Variants in HERC2 observed in about 807,000 individuals in gnomAD.
HERC2 encodes the protein HECT and RLD domain containing E3 ubiquitin protein ligase 2, also known as E3 ubiquitin-protein ligase HERC2.
Under a neutral mutation model 537.7 loss-of-function variants are expected in HERC2, and 102 were observed. That is an observed-to-expected ratio of 0.19 (90% CI 0.16 to 0.22). The LOEUF is 0.22. HERC2 is among the 10% of genes least tolerant of loss of function. The pLI is 1.00. For synonymous variants in HERC2, 2,224 were observed against 2,466.2 expected (o/e 0.90, Z 2.91); for missense variants, 4,236 against 6,198.2 (o/e 0.68, Z 10.63).
intron 26 of HERC2, among the ~76,000 whole-genome samples, chr15:28,236,536 C>T (rs1027128744): frequency 6.6e-6 from 1 of 151,860 alleles, no homozygotes; most frequent in Non-Finnish European, 1.5e-5. Flanking sequence ...GGTGATCCAC[C>T]CGCCTCAGCC....
intron 15 of HERC2, among the ~76,000 whole-genome samples, chr15:28,261,867 A>G (rs2075423212): frequency 6.6e-6 from 1 of 152,204 alleles, no homozygotes; most frequent in Admixed American, 6.5e-5. Context: ...GTCTCACTTA[A>G]AAGTCCCACT....
intron 21 of HERC2, 131 bp from the exon 22 acceptor site, chr15:28,247,028 T>C: frequency 1.3e-6 from 1 of 767,618 alleles, no homozygotes; most frequent in Non-Finnish European, 2.1e-6. Flanking sequence ...CAGAAGCCTG[T>C]TAACCCTTGT....
chr15:28,303,761 T>G (rs1394024053), intron 2 of HERC2, among the ~76,000 whole-genome samples: 2 of 152,232 alleles, frequency 1.3e-5, no homozygotes, highest in Non-Finnish European at 2.9e-5. Context: ...GTAGAGATCT[T>G]TTCACTTCTT....
intron 83 of HERC2, among the ~76,000 whole-genome samples, chr15:28,126,264 A>T (rs1889471661): frequency 6.6e-6 from 1 of 152,236 alleles, no homozygotes; most frequent in Non-Finnish European, 1.5e-5. Flanking sequence ...ACAACAAGCT[A>T]TCTGTGAAAA....
chr15:28,173,145 T>C (rs1421438497), intron 65 of HERC2, among the ~76,000 whole-genome samples: 1 of 152,176 alleles, frequency 6.6e-6, no homozygotes, highest in Non-Finnish European at 1.5e-5. Context: ...AACATCCACT[T>C]TGCAAAACAG....
chr15:28,112,014 G>A lies in HERC2; in HGVS notation c.14254C>T (p.Pro4752Ser). The change falls in exon 93 of 93, where the codon CCA becomes TCA. Residue 4752 changes from proline to serine, a missense_variant. Physicochemically the swap from Pro to Ser is moderately conservative, Grantham distance 74 (BLOSUM62 -1). Around this residue, in one of 27 missense-constraint regions of HERC2, gnomAD observed 313 missense variants for 462.6 expected, o/e 0.68. Transcript: ENST00000261609. Reference sequence around the variant, plus strand: ...TAGGACTCAGGGAGGAAGTGGTCTGGAGGGTTGTATTTATCCAACACCTGT... The same window carrying A: ...TAGGACTCAGGGAGGAAGTGGTCTGAAGGGTTGTATTTATCCAACACCTGT... Reference protein sequence around the residue: ...VIQVLDKYNPPDHFLPESYTC... With the variant: ...VIQVLDKYNPSDHFLPESYTC... 1 of 1,614,008 alleles carries A rather than the reference G, an allele frequency of 6.2e-7. No individual in the cohort carries two copies.
intron 69 of HERC2, among the ~76,000 whole-genome samples, chr15:28,158,516 T>C (rs1300568171): frequency 2.6e-5 from 4 of 152,218 alleles, no homozygotes; most frequent in African/African-American, 9.6e-5. Context: ...CTTTTGATCT[T>C]TGGTGGTTTA....
intron 90 of HERC2, among the ~76,000 whole-genome samples, chr15:28,114,153 G>C (rs994780912): frequency 6.6e-6 from 1 of 152,186 alleles, no homozygotes; most frequent in African/African-American, 2.4e-5. Flanking sequence ...AGGGGACATG[G>C]GACAAGCAGT....
chr15:28,152,492 T>C lies in HERC2; in HGVS notation c.10900+185A>G, dbSNP rs373231248. On this transcript the variant is annotated intron_variant, in intron 70 of 92. Transcript: ENST00000261609. ...AAGCTAAACATTTACTTTGTGTGAC[T>C]TTCTATATCATGATTTATTGTGCAA... 2.0e-5 allele frequency among the ~76,000 whole-genome samples: 3 copies of C among 152,254 alleles called. No individual in the cohort carries two copies. In the East Asian group the frequency reaches 5.8e-4, roughly 29 times the overall value.
chr15:28,280,882 C>A (rs896081763), intron 4 of HERC2, among the ~76,000 whole-genome samples: 2 of 152,002 alleles, frequency 1.3e-5, no homozygotes, highest in Non-Finnish European at 2.9e-5. Context: ...TGCACTCCAG[C>A]CTGGGTGACA....
intron 81 of HERC2, 64 bp downstream of exon 81, chr15:28,132,036 G>A: frequency 1.6e-6 from 2 of 1,262,672 alleles, no homozygotes. Context: ...TTTCCCAGAG[G>A]GGCCCTGGGG....
Position 28,163,139 on chromosome 15 carries a change from A to G in HERC2, c.10701T>C (p.Asp3567=). The G allele has an allele frequency of 6.2e-7, 1 of 1,612,656 alleles. No individual in the cohort carries two copies. The highest frequency in any genetic ancestry group is 8.5e-7 in the Non-Finnish European group (1 of 1,180,004). The change falls in exon 69 of 93, where the codon GAT becomes GAC. Residue 3567 remains aspartate, a synonymous_variant. Coordinates refer to ENST00000261609, the MANE Select transcript of HERC2 (RefSeq NM_004667.6). ...TGCCGGAAAGCACCGCGGAGAGCAC[A>G]TCCCTGCCCCTGTCCCCGGCCCGGC... ...VCSRAGDRGR[D]VLSAVLSGMG... is the part of the protein sequence containing the mutation.
chr15:28,230,409 T>C lies in HERC2; in HGVS notation c.4767A>G (p.Pro1589=). ...LEEACILPHS[P]INVDKRPIAI... ...CAATGGGTCTCTTGTCCACATTTAT[T>C]GGACTATGAGGCAAAATGCAAGCTT... is the stretch of plus-strand genomic sequence containing the variant. Residue 1589 remains proline, a synonymous_variant, in exon 31 of 93, where the codon CCA becomes CCG. Transcript: ENST00000261609. 2 of 1,533,288 alleles carry C rather than the reference T, an allele frequency of 1.3e-6. No individual in the cohort carries two copies. Among genetic ancestry groups the C allele is most frequent in the South Asian group, 1.1e-5 (1 of 89,568 alleles). The allele number at this position is 1,533,288 out of a possible 1,614,324, so 95.0% of individuals were successfully genotyped here. A position where few individuals can be genotyped will look rare whatever the true frequency, so the allele number is the denominator to read the frequency against.
At position 28,288,774 on chromosome 15, in the gene HERC2, C is replaced by T. The variant is rs550122091; in HGVS notation, c.322+4114G>A. On this transcript the variant is annotated intron_variant, in intron 4 of 92. Coordinates refer to ENST00000261609, the MANE Select transcript of HERC2 (RefSeq NM_004667.6). ...GAGGCAGGAGACTCGCTTGAACCCA[C>T]GTGGGGGAGGTTGCAGTGAGCTGAG... Among the ~76,000 whole-genome samples, 323 of 147,366 alleles carry T rather than the reference C, an allele frequency of 2.2e-3. 2 individuals carry two copies. Among genetic ancestry groups the T allele is most frequent in the Non-Finnish European group, 3.7e-3 (248 of 67,408 alleles).
At chr15:28,271,882 G>A (rs2075738971) in intron 9 of HERC2, among the ~76,000 whole-genome samples, 1 of 152,198 alleles carries the variant, frequency 6.6e-6, no homozygotes, top group Non-Finnish European at 1.5e-5. Flanking sequence ...ACCAAACAGA[G>A]TGACAGCTCA....
chr15:28,256,240 C>T lies in HERC2; in HGVS notation c.2595G>A (p.Leu865=). The T allele has an allele frequency of 1.3e-6, 2 of 1,599,104 alleles. No individual in the cohort carries two copies. The highest frequency in any genetic ancestry group is 1.1e-5 in the South Asian group (1 of 90,914). ...LGLGSILLNS[L]KQTVVTLASS... ...TGGCCAGGGTCACCACCGTCTGCTT[C>T]AGGCTGTTCAGGAGGATGCTGCCCA... Residue 865 remains leucine, a synonymous_variant, in exon 18 of 93, where the codon CTG becomes CTA. Coordinates refer to ENST00000261609, the MANE Select transcript of HERC2 (RefSeq NM_004667.6).
At chr15:28,162,300 T>G (rs1038150603) in intron 69 of HERC2, among the ~76,000 whole-genome samples, 9 of 152,166 alleles carry the variant, frequency 5.9e-5, no homozygotes, top group African/African-American at 1.9e-4. Context: ...GCCACCGCAC[T>G]CCAGCCCGGG....
intron 4 of HERC2, among the ~76,000 whole-genome samples, chr15:28,281,130 T>C (rs139464094): frequency 3.9e-5 from 6 of 152,326 alleles, no homozygotes; most frequent in African/African-American, 9.6e-5. Flanking sequence ...CAAGTTAGAA[T>C]ACACATTCTA....
At chr15:28,174,204 TTTC>T (rs1895004354) in intron 65 of HERC2, among the ~76,000 whole-genome samples, 188 bp downstream of exon 65, 2 of 151,652 alleles carry the variant, frequency 1.3e-5, no homozygotes, top group South Asian at 4.2e-4. Flanking sequence ...AGCAACATAC[TTTC>T]TTCTAAAATT....
Sources: gnomAD v4.1 joint callset for allele counts (sites outside exome capture counted in the v4.1 genomes callset) on GRCh38, gnomAD v4.1.1 for gene constraint, gnomAD v4.1.1 regional missense constraint, MANE v1.5 for transcripts, NCBI Gene and HGNC (gene_info 2026-07-23, HGNC 2026-07-21) for gene names.